Variants in ASIC2 observed in about 807,000 individuals in gnomAD.
The protein encoded by ASIC2 is acid-sensing ion channel 2.
ASIC2 carries 25 observed loss-of-function variants against 57.3 expected under a neutral mutation model. The observed-to-expected ratio is 0.44, with a 90% CI of 0.32 to 0.61. The LOEUF (loss-of-function observed/expected upper bound fraction) is 0.61, where lower values mean the gene tolerates loss of function less well. Ranked by LOEUF, ASIC2 falls within the 20% of genes least tolerant of loss-of-function variation. The pLI is 0.06. For missense variants in ASIC2, 641 were observed against 738.1 expected (o/e 0.87, Z 1.52); for synonymous variants, 319 against 307.5 (o/e 1.04, Z -0.39).
intron 1 of ASIC2, among the ~76,000 whole-genome samples, chr17:33,806,038 C>T (rs775461229): frequency 6.6e-6 from 1 of 152,216 alleles, no homozygotes; most frequent in Non-Finnish European, 1.5e-5. Context: ...CACAGCCCTT[C>T]TCACTCACTC....
At chr17:33,790,338 A>G (rs1911733625) in intron 1 of ASIC2, among the ~76,000 whole-genome samples, 2 of 152,222 alleles carry the variant, frequency 1.3e-5, no homozygotes. Context: ...CACTCTCTAG[A>G]AAATTGTTAT....
chr17:33,080,059 G>T (rs2092107011), intron 3 of ASIC2, among the ~76,000 whole-genome samples: 1 of 152,112 alleles, frequency 6.6e-6, no homozygotes, highest in South Asian at 2.1e-4. Flanking sequence ...TGGAGCTCAG[G>T]AAAGAGGTCC....
At chr17:33,693,651 G>A (rs1434458486) in intron 1 of ASIC2, among the ~76,000 whole-genome samples, 1 of 152,232 alleles carries the variant, frequency 6.6e-6, no homozygotes, top group Non-Finnish European at 1.5e-5. Flanking sequence ...GGAGAATAAA[G>A]AGAAGAGGGG....
intron 1 of ASIC2, among the ~76,000 whole-genome samples, chr17:33,525,923 C>CTTTAAA (rs1914873538): frequency 2.0e-5 from 3 of 152,178 alleles, no homozygotes; most frequent in Non-Finnish European, 4.4e-5. Context: ...GCCTGTCCTG[C>CTTTAAA]TTTAGGCTGT....
At chr17:33,226,809 T>C (rs566198318) in intron 1 of ASIC2, among the ~76,000 whole-genome samples, 6 of 152,298 alleles carry the variant, frequency 3.9e-5, no homozygotes, top group Admixed American at 1.3e-4. Flanking sequence ...TGCTGTCCAA[T>C]AGAAATATAA....
chr17:33,437,408 C>T (rs1911662753), intron 1 of ASIC2, among the ~76,000 whole-genome samples: 1 of 152,166 alleles, frequency 6.6e-6, no homozygotes, highest in South Asian at 2.1e-4. Context: ...ATAGTTAATG[C>T]TATTTCTTTT....
At chr17:33,619,345 G>C (rs1285683981) in intron 1 of ASIC2, among the ~76,000 whole-genome samples, 3 of 152,020 alleles carry the variant, frequency 2.0e-5, no homozygotes, top group African/African-American at 7.2e-5. Context: ...TCCTAAAAAT[G>C]ATGTACCAGA....
chr17:33,970,158 C>T (rs140728963), intron 1 of ASIC2, among the ~76,000 whole-genome samples: 45 of 152,280 alleles, frequency 3.0e-4, no homozygotes, highest in South Asian at 4.1e-4. Flanking sequence ...TGCTAAGCAG[C>T]GTCCCTGGCC....
At chr17:33,843,050 C>T (rs1913486059) in intron 1 of ASIC2, among the ~76,000 whole-genome samples, 1 of 152,188 alleles carries the variant, frequency 6.6e-6, no homozygotes, top group Non-Finnish European at 1.5e-5. Context: ...ACAAACGGGC[C>T]CTCAGTGTTA....
chr17:34,051,244 C>G (rs1908544403), intron 1 of ASIC2, among the ~76,000 whole-genome samples: 1 of 152,190 alleles, frequency 6.6e-6, no homozygotes, highest in South Asian at 2.1e-4. Context: ...CTTTAATCCT[C>G]TTAGCTCATC....
chr17:33,188,297 A>G (rs1485063303), intron 1 of ASIC2, among the ~76,000 whole-genome samples: 1 of 152,162 alleles, frequency 6.6e-6, no homozygotes, highest in Non-Finnish European at 1.5e-5. Context: ...AAGACAAAAT[A>G]AAAATAATGG....
At chr17:33,894,767 C>G (rs1915051570) in intron 1 of ASIC2, among the ~76,000 whole-genome samples, 1 of 152,168 alleles carries the variant, frequency 6.6e-6, no homozygotes, top group Non-Finnish European at 1.5e-5. Context: ...CCTTAAGTTA[C>G]TGCATGAAAG....
chr17:33,472,908 C>A (rs8075713), intron 1 of ASIC2, among the ~76,000 whole-genome samples: 30,953 of 152,136 alleles, frequency 0.2, 3,853 homozygotes, highest in Non-Finnish European at 0.28. Flanking sequence ...CTGTGGTAAT[C>A]TTGGCCTATT....
At chr17:33,329,554 G>A (rs1023273757) in intron 1 of ASIC2, among the ~76,000 whole-genome samples, 6 of 152,214 alleles carry the variant, frequency 3.9e-5, no homozygotes, top group Non-Finnish European at 8.8e-5. Context: ...TCATCACACA[G>A]CCAAGATATC....
intron 1 of ASIC2, among the ~76,000 whole-genome samples, chr17:33,531,300 C>A (rs578209275): frequency 3.6e-4 from 54 of 151,758 alleles, no homozygotes; most frequent in Non-Finnish European, 5.9e-4. Flanking sequence ...TAAAGCTGGG[C>A]AGGGGGCAGG....
chr17:33,638,579 C>T (rs1275776121), intron 1 of ASIC2, among the ~76,000 whole-genome samples: 2 of 152,200 alleles, frequency 1.3e-5, no homozygotes, highest in Non-Finnish European at 1.5e-5. Context: ...CACACACACA[C>T]ACAAACATTT....
intron 1 of ASIC2, among the ~76,000 whole-genome samples, chr17:33,584,073 C>G (rs1468241476): frequency 6.6e-6 from 1 of 152,150 alleles, no homozygotes; most frequent in African/African-American, 2.4e-5. Context: ...AATCCGTTTT[C>G]ATAAAACCGA....
chr17:33,747,210 C>T, intron 1 of ASIC2, among the ~76,000 whole-genome samples: 1 of 151,232 alleles, frequency 6.6e-6, no homozygotes, highest in East Asian at 1.9e-4. Context: ...AACCTTGCTC[C>T]CATCCAGCCG....
chr17:33,226,950 T>C (rs1907903731), intron 1 of ASIC2, among the ~76,000 whole-genome samples: 1 of 152,212 alleles, frequency 6.6e-6, no homozygotes, highest in South Asian at 2.1e-4. Context: ...ATGTAATCAA[T>C]ATACAAAAAT....
Sources: allele counts gnomAD v4.1 joint callset (sites outside exome capture counted in the v4.1 genomes callset), GRCh38; gene constraint gnomAD v4.1.1; transcripts MANE v1.5; gene names NCBI Gene and HGNC (gene_info 2026-07-23, HGNC 2026-07-21).